REDIC1: variants seen among roughly 807,000 people sequenced by gnomAD.
REDIC1 encodes the protein regulator of DNA class I crossover intermediates 1.
the REDIC1 span, among the ~76,000 whole-genome samples, chr12:39,878,299 T>C: frequency 1.3e-5 from 2 of 151,846 alleles, no homozygotes; most frequent in African/African-American, 2.4e-5. Flanking sequence ...TGGGCAGAGG[T>C]TGGAAGAATT....
At chr12:39,757,500 A>C in the REDIC1 span, 1 of 151,642 alleles carries the variant, frequency 6.6e-6, no homozygotes, top group Non-Finnish European at 1.5e-5. Context: ...CCAAATCTAA[A>C]AATAATACCC....
At chr12:39,861,875 A>T in the REDIC1 span, among the ~76,000 whole-genome samples, 313 of 151,810 alleles carry the variant, frequency 2.1e-3, 2 homozygotes, top group African/African-American at 7.0e-3. Flanking sequence ...GTTTTTTTTT[A>T]AATTTAATTT....
At chr12:39,711,580 C>A in the REDIC1 span, among the ~76,000 whole-genome samples, 1 of 57,922 alleles carries the variant, frequency 1.7e-5, no homozygotes, top group Non-Finnish European at 4.6e-5. Context: ...TGTGCATACA[C>A]ATGCATGTGT....
chr12:39,867,181 C>T, the REDIC1 span, among the ~76,000 whole-genome samples: 1 of 152,070 alleles, frequency 6.6e-6, no homozygotes, highest in East Asian at 1.9e-4. Flanking sequence ...CCCTATTTTC[C>T]CAAATTACAT....
the REDIC1 span, among the ~76,000 whole-genome samples, chr12:39,685,986 A>G: frequency 6.6e-6 from 1 of 152,174 alleles, no homozygotes; most frequent in Non-Finnish European, 1.5e-5. Context: ...ATCCAGACAC[A>G]CTGGTGTAAG....
At chr12:39,827,042 C>G in the REDIC1 span, among the ~76,000 whole-genome samples, 1 of 150,710 alleles carries the variant, frequency 6.6e-6, no homozygotes, top group Non-Finnish European at 1.5e-5. Flanking sequence ...ACTTTTGCAC[C>G]AGCCTGATAC....
chr12:39,855,690 A>G, the REDIC1 span, among the ~76,000 whole-genome samples: 1 of 152,242 alleles, frequency 6.6e-6, no homozygotes, highest in Admixed American at 6.5e-5. Flanking sequence ...TTTCTAAAGT[A>G]CTATATTCTT....
chr12:39,813,543 T>A, the REDIC1 span, among the ~76,000 whole-genome samples: 8 of 152,236 alleles, frequency 5.3e-5, no homozygotes, highest in African/African-American at 1.9e-4. Context: ...AACAATATGA[T>A]TACTGCACCT....
the REDIC1 span, among the ~76,000 whole-genome samples, chr12:39,764,136 T>TG: frequency 5.3e-5 from 8 of 151,892 alleles, no homozygotes; most frequent in Non-Finnish European, 7.4e-5. Flanking sequence ...TGTTTTTTTT[T>TG]TTTGTTTGTT....
At chr12:39,693,351 A>C in the REDIC1 span, among the ~76,000 whole-genome samples, 1 of 151,388 alleles carries the variant, frequency 6.6e-6, no homozygotes, top group Non-Finnish European at 1.5e-5. Context: ...TTTTTTGAAT[A>C]TGTAAAATAC....
At chr12:39,762,775 A>C in the REDIC1 span, among the ~76,000 whole-genome samples, 2 of 152,166 alleles carry the variant, frequency 1.3e-5, no homozygotes, top group East Asian at 3.9e-4. Flanking sequence ...TGAATGAACT[A>C]TTTTTCTACT....
At chr12:39,670,205 T>A in the REDIC1 span, among the ~76,000 whole-genome samples, 10,564 of 152,120 alleles carry the variant, frequency 0.069, 1,290 homozygotes, top group African/African-American at 0.24. Context: ...TTATTTATTT[T>A]TTTGAGATAG....
At chr12:39,897,202 A>C in the REDIC1 span, among the ~76,000 whole-genome samples, 1 of 152,168 alleles carries the variant, frequency 6.6e-6, no homozygotes, top group Non-Finnish European at 1.5e-5. Flanking sequence ...CATCCATGAA[A>C]AAAGAGGATT....
chr12:39,896,532 G>GTATGTATGTGTGTATACATGTATACATA, the REDIC1 span, among the ~76,000 whole-genome samples: 6 of 138,300 alleles, frequency 4.3e-5, no homozygotes, highest in African/African-American at 1.4e-4. Flanking sequence ...ATGTATACAT[G>GTATGTATGTGTGTATACATGTATACATA]TATGTATGTA....
At chr12:39,696,583 A>AAAAAG in the REDIC1 span, among the ~76,000 whole-genome samples, 1 of 144,038 alleles carries the variant, frequency 6.9e-6, no homozygotes, top group Non-Finnish European at 1.5e-5. Flanking sequence ...AAAAAAAATA[A>AAAAAG]CGCACCAAGG....
chr12:39,866,640 C>A, the REDIC1 span, among the ~76,000 whole-genome samples: 1 of 152,190 alleles, frequency 6.6e-6, no homozygotes, highest in East Asian at 1.9e-4. Flanking sequence ...CCACCTCGCC[C>A]GGCTAATTTT....
At chr12:39,842,772 A>T in the REDIC1 span, among the ~76,000 whole-genome samples, 1 of 151,934 alleles carries the variant, frequency 6.6e-6, no homozygotes, top group Admixed American at 6.6e-5. Context: ...TTACTTCCCA[A>T]TTCCCACTTT....
the REDIC1 span, among the ~76,000 whole-genome samples, chr12:39,726,946 G>A: frequency 6.6e-6 from 1 of 152,110 alleles, no homozygotes; most frequent in South Asian, 2.1e-4. Flanking sequence ...GTGTTTGTTG[G>A]CTGCATAAAT....
chr12:39,829,957 A>G, the REDIC1 span: 1 of 1,002,110 alleles, frequency 1.0e-6, no homozygotes, highest in Non-Finnish European at 1.5e-6. Flanking sequence ...CTTTGCATCC[A>G]CTATCACCAG....
Sources: gnomAD v4.1 joint callset for allele counts (sites outside exome capture counted in the v4.1 genomes callset) on GRCh38, gnomAD v4.1.1 for gene constraint, MANE v1.5 for transcripts, NCBI Gene and HGNC (gene_info 2026-07-23, HGNC 2026-07-21) for gene names.